The following ADAM7 variants were observed in gnomAD, a reference collection of about 807,000 sequenced individuals.
ADAM7 encodes the protein disintegrin and metalloproteinase domain-containing protein 7.
A neutral mutation model predicts 102.9 loss-of-function variants in ADAM7; 97 were observed. The ratio of observed to expected loss-of-function variants is 0.94; its 90% CI spans 0.80 to 1.12. The LOEUF (loss-of-function observed/expected upper bound fraction) is 1.12. ADAM7 is among the 50% of genes most tolerant of loss of function. The pLI is 0.00. For synonymous variants in ADAM7, 334 were observed against 304.4 expected, an observed-to-expected ratio of 1.10 and a Z score of -1.01; for missense variants, 991 against 908.7, an observed-to-expected ratio of 1.09 and a Z score of -1.16.
At chr8:24,479,174 T>A (rs117805855) in intron 8 of ADAM7, among the ~76,000 whole-genome samples, 4,204 of 152,226 alleles carry the variant, frequency 0.028, 99 homozygotes, top group Admixed American at 0.066. Flanking sequence ...CTCAGTGCCT[T>A]CTAGCCTAGT....
chr8:24,458,912 T>TATA (rs891859027), intron 3 of ADAM7, among the ~76,000 whole-genome samples: 1 of 151,782 alleles, frequency 6.6e-6, no homozygotes, highest in Non-Finnish European at 1.5e-5. Context: ...TATATTATTT[T>TATA]ATAATAAATT....
intron 3 of ADAM7, among the ~76,000 whole-genome samples, chr8:24,450,883 C>T (rs1000062055): frequency 7.9e-5 from 12 of 152,096 alleles, no homozygotes; most frequent in Non-Finnish European, 1.6e-4. Context: ...TTGTCAGAGG[C>T]CTTTTCTGCA....
chr8:24,472,565 A>G (rs1333529338), intron 7 of ADAM7, among the ~76,000 whole-genome samples: 2 of 152,106 alleles, frequency 1.3e-5, no homozygotes, highest in Non-Finnish European at 2.9e-5. Flanking sequence ...CTGACCATAA[A>G]AAATAGTAAA....
At chr8:24,449,525 G>A (rs945756546) in intron 3 of ADAM7, among the ~76,000 whole-genome samples, 1 of 152,126 alleles carries the variant, frequency 6.6e-6, no homozygotes, top group Non-Finnish European at 1.5e-5. Flanking sequence ...ATTTGTTTGA[G>A]TTCATTGTAG....
chr8:24,449,867 T>C (rs1472787886), intron 3 of ADAM7, among the ~76,000 whole-genome samples: 2 of 152,242 alleles, frequency 1.3e-5, no homozygotes, highest in South Asian at 4.1e-4. Flanking sequence ...TTTCTACATA[T>C]GGCTAGCCAG....
At chr8:24,492,429 A>G in intron 14 of ADAM7, 66 bp from the exon 15 acceptor site, 1 of 1,131,930 alleles carries the variant, frequency 8.8e-7, no homozygotes, top group Non-Finnish European at 1.3e-6. Context: ...TTAGAAAAAT[A>G]AGGTCTTTTA....
Position 24,489,174 on chromosome 8 carries a change from A to G in ADAM7, c.1107A>G (p.Lys369=). The G allele has an allele frequency of 1.2e-6, 2 of 1,611,066 alleles. No individual in the cohort carries two copies. The highest frequency in any genetic ancestry group is 1.7e-6 in the Non-Finnish European group (2 of 1,178,708). Reference sequence around the variant, plus strand: ...CTATCTCTAGCATTCCTGCACTGAAATTCAGTAAATGCAGCCAAAACCAAT... The same window carrying G: ...CTATCTCTAGCATTCCTGCACTGAAGTTCAGTAAATGCAGCCAAAACCAAT... The part of the protein sequence containing the change: ...MDSDGSIPAL[K]FSKCSQNQYH... The change falls in exon 12 of 22, where the codon AAA becomes AAG. Residue 369 remains lysine (K), a synonymous_variant. Transcript: ENST00000175238.
chr8:24,491,665 C>G (rs1433070543), intron 13 of ADAM7, among the ~76,000 whole-genome samples: 2 of 152,168 alleles, frequency 1.3e-5, no homozygotes, highest in South Asian at 4.2e-4. Flanking sequence ...GATGTACATC[C>G]CAACTCTCCC....
Position 24,466,961 on chromosome 8 carries a change from T to C in ADAM7, c.552T>C (p.Asn184=), listed in dbSNP as rs771615867. 1.2e-6 allele frequency: 2 copies of C among 1,614,034 alleles called. No homozygotes were observed. The highest frequency in any genetic ancestry group is 1.1e-5 in the South Asian group (1 of 91,070). ...CCAGAAAAACTGTTCCAGGGGATAA[T>C]GAATCTGAAGAAGACTCCAAAATAA... The part of the protein sequence containing the change: ...NFTRKTVPGD[N]ESEEDSKIKG... The change falls in exon 6 of 22, where the codon AAT becomes AAC. Residue 184 remains asparagine, a synonymous_variant. Coordinates refer to ENST00000175238, the MANE Select transcript of ADAM7 (RefSeq NM_003817.4).
At chr8:24,460,953 T>C (rs920827401) in intron 3 of ADAM7, among the ~76,000 whole-genome samples, 1 of 152,222 alleles carries the variant, frequency 6.6e-6, no homozygotes, top group African/African-American at 2.4e-5. Context: ...TTACCAATTT[T>C]TGTAGCATAG....
At position 24,489,435 on chromosome 8, in the gene ADAM7, A is replaced by G. The variant is rs1023726602; in HGVS notation, c.1266+102A>G. Reference sequence around the variant, plus strand: ...TCAAACCAACCGTGGTGTTCCTTGTAAAACTTTTAAAAATTTTGCTTTCCA... The same window carrying G: ...TCAAACCAACCGTGGTGTTCCTTGTGAAACTTTTAAAAATTTTGCTTTCCA... On this transcript the variant is annotated intron_variant, in intron 12 of 21. Transcript: ENST00000175238. The G allele has an allele frequency of 1.3e-5, 15 of 1,138,376 alleles. No individual in the cohort carries two copies. The African/African-American group carries it at 2.1e-4, about 16-fold the overall frequency. The allele number at this position is 1,138,376 out of a possible 1,614,324, so 70.5% of individuals were successfully genotyped here. A position where few individuals can be genotyped will look rare whatever the true frequency, so the allele number is the denominator to read the frequency against.
At chr8:24,470,192 CAG>C in intron 7 of ADAM7, among the ~76,000 whole-genome samples, 1 of 152,024 alleles carries the variant, frequency 6.6e-6, no homozygotes, top group Non-Finnish European at 1.5e-5. Context: ...TTTTAAACAA[CAG>C]AAGATACAGT....
At chr8:24,496,084 T>C (rs1056622883) in intron 16 of ADAM7, among the ~76,000 whole-genome samples, 2 of 152,156 alleles carry the variant, frequency 1.3e-5, no homozygotes, top group African/African-American at 4.8e-5. Context: ...GTGTGCAGTT[T>C]AGGGACTTGG....
chr8:24,484,070 T>C lies in ADAM7; in HGVS notation c.876-1207T>C, dbSNP rs187755603. Among the ~76,000 whole-genome samples the C allele has an allele frequency of 3.3e-5, 5 of 152,306 alleles. No homozygotes were observed. In the East Asian group the frequency reaches 9.6e-4, roughly 29 times the overall value. On this transcript the variant is annotated intron_variant, in intron 9 of 21. Transcript: ENST00000175238. The stretch of plus-strand genomic sequence containing the variant: ...TGGCATTATCATGTGTTACTTGATT[T>C]CATGCAACCATGAGAGGACACTCAA...
In ADAM7 at chr8:24,476,965, C is replaced by A. The variant is rs1383180839; in HGVS notation, c.705+461C>A. On this transcript the variant is annotated intron_variant, in intron 8 of 21. Transcript: ENST00000175238. ...TGAGGTATATAACCCTTTAAAAAAACAAATTGTGAATGGCAACACATTTTT... is the reference window on the plus strand; with the variant it reads ...TGAGGTATATAACCCTTTAAAAAAAAAAATTGTGAATGGCAACACATTTTT... 2.6e-5 allele frequency among the ~76,000 whole-genome samples: 4 copies of A among 151,936 alleles called. No homozygotes were observed. The East Asian group carries it at 7.7e-4, about 29-fold the overall frequency.
intron 3 of ADAM7, among the ~76,000 whole-genome samples, chr8:24,448,171 T>C (rs569078641): frequency 1.8e-4 from 28 of 152,292 alleles, no homozygotes; most frequent in African/African-American, 6.0e-4. Flanking sequence ...AAAATGTATA[T>C]GAGACAGATA....
chr8:24,487,246 C>T lies in ADAM7; in HGVS notation c.1020C>T (p.Asn340=). Residue 340 remains asparagine (N), a synonymous_variant, in exon 11 of 22, where the codon AAC becomes AAT. Transcript: ENST00000175238. ...ANRMAHQLGH[N]LGMQHDEFPC... The stretch of plus-strand genomic sequence containing the variant: ...GAATGGCACATCAACTGGGGCATAA[C>T]CTTGGGATGCAGCATGACGAGTTCC... The T allele has an allele frequency of 6.2e-7, 1 of 1,613,858 alleles. No homozygotes were observed. Among genetic ancestry groups the T allele is most frequent in the South Asian group, 1.1e-5 (1 of 91,080 alleles).
chr8:24,482,422 A>G, intron 9 of ADAM7, 111 bp downstream of exon 9: 2 of 1,067,056 alleles, frequency 1.9e-6, no homozygotes, highest in South Asian at 2.9e-5. Context: ...TTTGGGTAGC[A>G]CACAGGGACA....
chr8:24,506,028 T>C (rs938596642), intron 20 of ADAM7: 3 of 1,203,760 alleles, frequency 2.5e-6, no homozygotes, highest in Non-Finnish European at 3.6e-6. Context: ...ATATTATGTC[T>C]GGGTCTTTCA....
Sources: gnomAD v4.1 joint callset for allele counts (sites outside exome capture counted in the v4.1 genomes callset) on GRCh38, gnomAD v4.1.1 for gene constraint, MANE v1.5 for transcripts, NCBI Gene and HGNC (gene_info 2026-07-23, HGNC 2026-07-21) for gene names.